HEXB: variants seen among roughly 807,000 people sequenced by gnomAD.
The protein encoded by HEXB is hexosaminidase subunit beta.
In HEXB, 51 loss-of-function variants were observed where a neutral mutation model predicts 71.2. That is an observed-to-expected ratio of 0.72 (90% CI 0.57 to 0.90). HEXB has a LOEUF of 0.90. Among genes scored for constraint, HEXB ranks in the 40% least tolerant of loss-of-function variants. The probability of loss-of-function intolerance (pLI) is 0.00; values close to 1 mark genes in which losing one functional copy is unlikely to be tolerated. For missense variants in HEXB, 617 were observed against 677.0 expected, an observed-to-expected ratio of 0.91 and a Z score of 0.98; for synonymous variants, 266 against 249.3, an observed-to-expected ratio of 1.07 and a Z score of -0.63.
chr5:74,643,355 A>G (rs902517450), intron 1 of HEXB, among the ~76,000 whole-genome samples: 1 of 152,234 alleles, frequency 6.6e-6, no homozygotes, highest in African/African-American at 2.4e-5. Flanking sequence ...CATTTTGTAC[A>G]GGAAGAAACT....
intron 6 of HEXB, among the ~76,000 whole-genome samples, chr5:74,711,100 G>A (rs2112166822): frequency 6.6e-6 from 1 of 150,854 alleles, no homozygotes; most frequent in African/African-American, 2.4e-5. Flanking sequence ...TAGATCAATG[G>A]AACAGAACAG....
Position 74,643,410 on chromosome 5 carries a change from A to C in HEXB, c.-377+2852A>C, listed in dbSNP as rs201782145. ...AAAACTGGACGACCATAGACATAGC[A>C]GATATCTGAGTCACAAACAAGTCAG... On this transcript the variant is annotated intron_variant, in intron 1 of 13. Transcript: ENST00000511181. Among the ~76,000 whole-genome samples the C allele has an allele frequency of 2.0e-5, 3 of 152,336 alleles. No individual in the cohort carries two copies. In the East Asian group the frequency reaches 5.8e-4, roughly 29 times the overall value.
At chr5:74,663,748 T>C (rs13185523) in intron 1 of HEXB, among the ~76,000 whole-genome samples, 6 of 152,204 alleles carry the variant, frequency 3.9e-5, no homozygotes, top group Non-Finnish European at 7.3e-5. Flanking sequence ...TAGTGAATTA[T>C]CCGTGAAAAT....
At position 74,720,670 on chromosome 5, in the gene HEXB, A is replaced by G. The variant is rs139971120; in HGVS notation, c.1536A>G (p.Arg512=). The G allele has an allele frequency of 3.1e-5, 50 of 1,614,094 alleles. No individual in the cohort carries two copies. In the African/African-American group the frequency reaches 4.3e-4, roughly 14 times the overall value. ...LWPRASAVGE[R]LWSSKDVRDM... Reference sequence around the variant, plus strand: ...CTCGGGCAAGTGCTGTTGGTGAGAGACTCTGGAGTTCCAAAGATGTCAGAG... The same window carrying G: ...CTCGGGCAAGTGCTGTTGGTGAGAGGCTCTGGAGTTCCAAAGATGTCAGAG... Residue 512 remains arginine (R), a synonymous_variant, in exon 13 of 14, where the codon AGA becomes AGG. Transcript: ENST00000261416.
intron 5 of HEXB, among the ~76,000 whole-genome samples, chr5:74,702,255 T>C (rs1315817375): frequency 6.6e-6 from 1 of 150,710 alleles, no homozygotes; most frequent in East Asian, 1.9e-4. Context: ...ATTTTTTGTA[T>C]TTTTAGTAGA....
Position 74,720,534 on chromosome 5 carries a change from G to GATAAC in HEXB, c.1508+19_1508+23dup. 2 of 1,600,506 alleles carry GATAAC rather than the reference G, an allele frequency of 1.2e-6. No individual in the cohort carries two copies. Among genetic ancestry groups the GATAAC allele is most frequent in the Non-Finnish European group, 1.7e-6 (2 of 1,167,580 alleles). On this transcript the variant is annotated intron_variant, in intron 12 of 13. Transcript: ENST00000261416. ...CAAGATTATGGTATGGGATTTACCT[G>GATAAC]ATAACATTTAAGAATTAAGGTGCCT... is the stretch of plus-strand genomic sequence containing the variant.
chr5:74,717,050 C>T (rs1749688021), intron 9 of HEXB, among the ~76,000 whole-genome samples: 1 of 152,108 alleles, frequency 6.6e-6, no homozygotes, highest in Non-Finnish European at 1.5e-5. Flanking sequence ...ATTAGCCAGG[C>T]ATGGTGGCAG....
At chr5:74,692,667 T>C (rs115321548) in intron 2 of HEXB, among the ~76,000 whole-genome samples, 3,342 of 152,354 alleles carry the variant, frequency 0.022, 130 homozygotes, top group African/African-American at 0.076. Flanking sequence ...AGAGCACTTT[T>C]GCCTACCTGC....
chr5:74,719,507 G>A (rs1373021235), intron 11 of HEXB, among the ~76,000 whole-genome samples: 3 of 152,084 alleles, frequency 2.0e-5, no homozygotes, highest in African/African-American at 7.2e-5. Context: ...GTCCAATTTT[G>A]TACATTAGCC....
intron 1 of HEXB, among the ~76,000 whole-genome samples, chr5:74,676,659 G>A (rs990404552): frequency 1.1e-4 from 17 of 151,966 alleles, no homozygotes; most frequent in African/African-American, 3.9e-4. Flanking sequence ...CCAGCTACTC[G>A]GGAGGCTGAG....
At chr5:74,715,940 C>T (rs1185939728) in intron 8 of HEXB, among the ~76,000 whole-genome samples, 1 of 141,126 alleles carries the variant, frequency 7.1e-6, no homozygotes, top group African/African-American at 2.6e-5. Context: ...TCTCTTGAAC[C>T]TGGGAGGAAG....
chr5:74,718,804 C>T lies in HEXB; in HGVS notation c.1250C>T (p.Pro417Leu), dbSNP rs28942073. The change falls in exon 11 of 14, where the codon CCG becomes CTG. Residue 417 changes from proline to leucine, a missense_variant. By Grantham distance (98) the Pro-to-Leu change is moderately conservative (BLOSUM62 -3). Transcript: ENST00000261416. Reference protein sequence around the residue: ...EVFDDKAKLAPGTIVEVWKDS... With the variant: ...EVFDDKAKLALGTIVEVWKDS... ...AATTTGTAACGTTAATAGCTTGCGC[C>T]GGGCACAATAGTTGAAGTATGGAAA... 1,254 of 1,614,018 alleles carry T rather than the reference C, an allele frequency of 7.8e-4. 3 individuals carry two copies. The highest frequency in any genetic ancestry group is 3.5e-3 in the East Asian group (159 of 44,866).
chr5:74,716,545 A>G (rs1238423907), intron 8 of HEXB, 42 bp from the exon 9 acceptor site: 4 of 1,172,262 alleles, frequency 3.4e-6, no homozygotes, highest in South Asian at 1.2e-5. Context: ...TAAACTGAGC[A>G]TATCAAACTT....
intron 1 of HEXB, among the ~76,000 whole-genome samples, chr5:74,647,316 G>A (rs1748020188): frequency 6.6e-6 from 1 of 152,332 alleles, no homozygotes; most frequent in African/African-American, 2.4e-5. Flanking sequence ...AAGCATGTCT[G>A]GGCATGAAGA....
upstream of HEXB, among the ~76,000 whole-genome samples, chr5:74,680,294 C>T (rs1748715294): frequency 2.6e-5 from 4 of 152,308 alleles, 1 homozygote; most frequent in South Asian, 6.2e-4. Context: ...GCTACAGACT[C>T]GTTGTTGCCT....
At chr5:74,681,474 T>C (rs1209294458), upstream of HEXB, among the ~76,000 whole-genome samples, 3 of 152,152 alleles carry the variant, frequency 2.0e-5, no homozygotes, top group Admixed American at 2.0e-4. Context: ...CCTGTAGTAC[T>C]AACTATTCAG....
upstream of HEXB, among the ~76,000 whole-genome samples, chr5:74,684,513 TG>T (rs1278728361): frequency 1.3e-5 from 2 of 152,080 alleles, no homozygotes; most frequent in African/African-American, 2.4e-5. Flanking sequence ...GGTTATCTGG[TG>T]GTTGGGCTGA....
chr5:74,704,989 G>A (rs958514464), intron 5 of HEXB, among the ~76,000 whole-genome samples: 14 of 151,668 alleles, frequency 9.2e-5, no homozygotes, highest in African/African-American at 3.4e-4. Flanking sequence ...CTACTCAGGA[G>A]GCTGAAGTGG....
chr5:74,644,930 T>A (rs560759400), intron 1 of HEXB, among the ~76,000 whole-genome samples: 1 of 151,492 alleles, frequency 6.6e-6, no homozygotes, highest in South Asian at 2.1e-4. Context: ...TGCCACCACA[T>A]CCGGCTAATT....
Sources: allele counts gnomAD v4.1 joint callset (sites outside exome capture counted in the v4.1 genomes callset), GRCh38; gene constraint gnomAD v4.1.1; transcripts MANE v1.5; gene names NCBI Gene and HGNC (gene_info 2026-07-23, HGNC 2026-07-21).